RIMS2: variants seen among roughly 807,000 people sequenced by gnomAD.
RIMS2 encodes regulating synaptic membrane exocytosis 2, also known as regulating synaptic membrane exocytosis protein 2.
Under a neutral mutation model 174.4 loss-of-function variants are expected in RIMS2, and 59 were observed. The ratio of observed to expected loss-of-function variants is 0.34; its 90% CI spans 0.27 to 0.42. The LOEUF is 0.42. Among genes scored for constraint, RIMS2 ranks in the 10% least tolerant of loss-of-function variants. The pLI is 1.00. For missense variants in RIMS2, 1,620 were observed against 1,666.3 expected (o/e 0.97, Z 0.48); for synonymous variants, 606 against 572.5 (o/e 1.06, Z -0.84).
At chr8:103,991,707 A>G (rs1433878100) in intron 17 of RIMS2, among the ~76,000 whole-genome samples, 1 of 152,160 alleles carries the variant, frequency 6.6e-6, no homozygotes, top group Non-Finnish European at 1.5e-5. Flanking sequence ...GATGCACTGG[A>G]CTAGAATAGT....
rs529431631 is a variant in RIMS2 at position 103,516,262 on chromosome 8, GA to G, written c.176+15203del. 3.4e-4 allele frequency among the ~76,000 whole-genome samples: 51 copies of G among 152,192 alleles called. No homozygotes were observed. The South Asian group carries it at 8.9e-3, about 27-fold the overall frequency. ...TATACAAATAGGACATTTAGTTTGA[GA>G]AAGAGAAGAATTATAGGAGTACAGG... On this transcript the variant is annotated intron_variant, in intron 1 of 23. Coordinates refer to ENST00000504942, the Ensembl canonical transcript of RIMS2.
intron 19 of RIMS2, among the ~76,000 whole-genome samples, chr8:104,060,820 G>A (rs902127381): frequency 6.6e-6 from 1 of 152,074 alleles, no homozygotes; most frequent in Non-Finnish European, 1.5e-5. Flanking sequence ...CCTTCATTTA[G>A]TTATGTACCC....
chr8:103,755,600 C>T (rs1383286519), intron 2 of RIMS2, among the ~76,000 whole-genome samples: 1 of 152,122 alleles, frequency 6.6e-6, no homozygotes, highest in Non-Finnish European at 1.5e-5. Context: ...TCACATTGTC[C>T]TTTACTTCTT....
intron 1 of RIMS2, among the ~76,000 whole-genome samples, chr8:103,650,676 A>C (rs2096435467): frequency 6.6e-6 from 1 of 152,234 alleles, no homozygotes; most frequent in Non-Finnish European, 1.5e-5. Flanking sequence ...TTAAAGAAGC[A>C]GTCTGGCCAT....
chr8:104,008,976 TGGC>T (rs2095672585), intron 17 of RIMS2, among the ~76,000 whole-genome samples: 1 of 152,090 alleles, frequency 6.6e-6, no homozygotes. Flanking sequence ...ATGATTTCTA[TGGC>T]AAATATTTTG....
intron 1 of RIMS2, among the ~76,000 whole-genome samples, chr8:103,583,632 CAG>C (rs1354223943): frequency 6.6e-6 from 1 of 152,068 alleles, no homozygotes; most frequent in Non-Finnish European, 1.5e-5. Context: ...AAGAATGTAA[CAG>C]AGTCCTTTTA....
chr8:104,033,582 A>G (rs1196157024), intron 19 of RIMS2, among the ~76,000 whole-genome samples: 3 of 151,910 alleles, frequency 2.0e-5, no homozygotes, highest in South Asian at 2.1e-4. Context: ...GAATTTAACT[A>G]TAGTGTCTTA....
At chr8:103,613,125 AGG>A in intron 1 of RIMS2, among the ~76,000 whole-genome samples, 1 of 152,300 alleles carries the variant, frequency 6.6e-6, no homozygotes, top group East Asian at 1.9e-4. Flanking sequence ...CCTTTCCTTC[AGG>A]GTGGTGCATT....
At chr8:103,642,185 A>G (rs762187989) in intron 1 of RIMS2, among the ~76,000 whole-genome samples, 24 of 151,800 alleles carry the variant, frequency 1.6e-4, no homozygotes, top group African/African-American at 5.3e-4. Flanking sequence ...ATACAATTCT[A>G]TTTTCTCTCT....
chr8:104,167,629 A>G (rs2441878), intron 19 of RIMS2, among the ~76,000 whole-genome samples: 33,415 of 151,794 alleles, frequency 0.22, 4,484 homozygotes, highest in South Asian at 0.37. Flanking sequence ...TGGGTTGTCT[A>G]TTTACCCTGC....
intron 2 of RIMS2, among the ~76,000 whole-genome samples, chr8:103,756,972 T>G (rs1249892327): frequency 1.6e-5 from 2 of 121,546 alleles, no homozygotes; most frequent in Non-Finnish European, 3.4e-5. Flanking sequence ...CGTATGTGTG[T>G]GTGTGTCTGT....
chr8:103,904,774 G>C (rs1255877628), intron 4 of RIMS2, among the ~76,000 whole-genome samples: 1 of 151,516 alleles, frequency 6.6e-6, no homozygotes, highest in Non-Finnish European at 1.5e-5. Context: ...TTTCTTTTTT[G>C]TTTTCTGTTT....
intron 19 of RIMS2, among the ~76,000 whole-genome samples, chr8:104,058,517 T>C (rs894826490): frequency 6.7e-6 from 1 of 149,870 alleles, no homozygotes; most frequent in East Asian, 1.9e-4. Flanking sequence ...ATGTTGTAGG[T>C]TGCCTGTTCA....
At chr8:103,718,298 G>A (rs917677032) in intron 2 of RIMS2, among the ~76,000 whole-genome samples, 8 of 152,190 alleles carry the variant, frequency 5.3e-5, no homozygotes, top group African/African-American at 1.9e-4. Context: ...TATATGGGTT[G>A]CTGTGTGCTA....
intron 1 of RIMS2, among the ~76,000 whole-genome samples, chr8:103,596,316 A>G (rs1281412158): frequency 1.3e-5 from 2 of 152,070 alleles, no homozygotes; most frequent in Non-Finnish European, 2.9e-5. Context: ...GTGATCGCCA[A>G]TTAATTTAAG....
intron 3 of RIMS2, among the ~76,000 whole-genome samples, chr8:103,783,970 T>G (rs1415754781): frequency 1.2e-4 from 19 of 152,102 alleles, no homozygotes; most frequent in Admixed American, 5.2e-4. Context: ...CTAACTGGTG[T>G]GAGATGGTAT....
In RIMS2 at chr8:103,535,442, G is replaced by A. The variant is rs531780157; in HGVS notation, c.176+34380G>A. 4.6e-5 allele frequency among the ~76,000 whole-genome samples: 7 copies of A among 152,268 alleles called. No individual in the cohort carries two copies. In the East Asian group the frequency reaches 1.3e-3, roughly 29 times the overall value. The stretch of plus-strand genomic sequence containing the variant: ...ATTCATTCCATAGGTGGCAGATCAG[G>A]CTCAAGTATATCTACAGGATTTTAA... On this transcript the variant is annotated intron_variant, in intron 1 of 23. Transcript: ENST00000504942.
intron 14 of RIMS2, among the ~76,000 whole-genome samples, chr8:103,960,315 A>G (rs2089534300): frequency 1.3e-5 from 2 of 152,230 alleles, no homozygotes; most frequent in South Asian, 4.1e-4. Flanking sequence ...ACATTTAAAA[A>G]TTTTGCTATA....
intron 2 of RIMS2, among the ~76,000 whole-genome samples, chr8:103,705,126 A>G (rs7005828): frequency 0.18 from 26,879 of 151,934 alleles, 2,582 homozygotes; most frequent in African/African-American, 0.24. Context: ...GATCCCACTG[A>G]TTTTAGTAAT....
Sources: gnomAD v4.1 joint callset for allele counts (sites outside exome capture counted in the v4.1 genomes callset) on GRCh38, gnomAD v4.1.1 for gene constraint, MANE v1.5 for transcripts, NCBI Gene and HGNC (gene_info 2026-07-23, HGNC 2026-07-21) for gene names.